The following TSPAN16 variants were observed in gnomAD, a reference collection of about 807,000 sequenced individuals.
TSPAN16 encodes the protein tetraspanin 16.
A neutral mutation model predicts 25.2 loss-of-function variants in TSPAN16; 23 were observed. The observed-to-expected ratio is 0.91, with a 90% CI of 0.66 to 1.29. TSPAN16 has a LOEUF of 1.29. Among genes scored for constraint, TSPAN16 ranks in the 50% most tolerant of loss-of-function variants. The probability of loss-of-function intolerance (pLI) is 0.00; values close to 1 mark genes in which losing one functional copy is unlikely to be tolerated. For synonymous variants in TSPAN16, 123 were observed against 124.4 expected (o/e 0.99, Z 0.08); for missense variants, 272 against 299.9 (o/e 0.91, Z 0.69).
Position 11,298,195 on chromosome 19 carries a change from C to T in TSPAN16, c.123C>T (p.Ala41=), listed in dbSNP as rs2147932983. Residue 41 remains alanine, a synonymous_variant, in exon 2 of 7, where the codon GCC becomes GCT. Transcript: ENST00000590327. ...GCATTGGTGGTAAATGTGGAGGGGCCTCTCTGACGAATGTCCTCGGGCTGT... is the reference window on the plus strand; with the variant it reads ...GCATTGGTGGTAAATGTGGAGGGGCTTCTCTGACGAATGTCCTCGGGCTGT... ...GLGIGGKCGG[A]SLTNVLGLSS... 6.2e-7 allele frequency: 1 copy of T among 1,614,154 alleles called. No homozygotes were observed. Among genetic ancestry groups the T allele is most frequent in the East Asian group, 2.2e-5 (1 of 44,884 alleles).
At chr19:11,321,861 G>C (rs1204444038) in intron 6 of TSPAN16, among the ~76,000 whole-genome samples, 2 of 152,158 alleles carry the variant, frequency 1.3e-5, no homozygotes, top group Non-Finnish European at 2.9e-5. Context: ...AGAAGTAGTT[G>C]AGGGAAATAG....
chr19:11,319,953 T>C (rs1391312627), downstream of TSPAN16, among the ~76,000 whole-genome samples: 1 of 151,864 alleles, frequency 6.6e-6, no homozygotes, highest in African/African-American at 2.4e-5. Context: ...TAGCTGGGAC[T>C]ACAGGCGCCC....
At chr19:11,301,345 A>G in intron 4 of TSPAN16, 37 bp downstream of exon 4, 1 of 1,545,540 alleles carries the variant, frequency 6.5e-7, no homozygotes. Context: ...TGTGGTGTAA[A>G]GGTACACAAC....
chr19:11,296,210 C>A lies in TSPAN16; in HGVS notation c.-88C>A. 1 of 1,424,316 alleles carries A rather than the reference C, an allele frequency of 7.0e-7. No individual in the cohort carries two copies. Among genetic ancestry groups the A allele is most frequent in the South Asian group, 1.2e-5 (1 of 82,124 alleles). The allele number at this position is 1,424,316 out of a possible 1,614,324, so 88.2% of individuals were successfully genotyped here. On this transcript the variant is annotated 5_prime_UTR_variant, in exon 1 of 7. Coordinates refer to ENST00000590327, the MANE Select transcript of TSPAN16 (RefSeq NM_001282509.2). ...AGCAAGTCAGCATTGGCGCCCCTTC[C>A]TCAGATCCCTATCATCTTGGGAAAC... is the stretch of plus-strand genomic sequence containing the variant.
Position 11,303,709 on chromosome 19 carries a change from G to A in TSPAN16, c.450+2401G>A, listed in dbSNP as rs554722396. ...AGGAACTGCCAGACTCCTTTCCACAGTGGCTGCACCATTTTCCATTCCCAT... is the reference window on the plus strand; with the variant it reads ...AGGAACTGCCAGACTCCTTTCCACAATGGCTGCACCATTTTCCATTCCCAT... On this transcript the variant is annotated intron_variant, in intron 4 of 6. Transcript: ENST00000590327. Among the ~76,000 whole-genome samples the A allele has an allele frequency of 9.9e-5, 15 of 151,132 alleles. 2 individuals are homozygous for A. Among genetic ancestry groups the A allele is most frequent in the African/African-American group, 3.4e-4 (14 of 40,802 alleles).
chr19:11,317,831 A>C (rs976690492), downstream of TSPAN16, among the ~76,000 whole-genome samples: 11 of 151,460 alleles, frequency 7.3e-5, no homozygotes, highest in Admixed American at 2.6e-4. Flanking sequence ...TCAAAAAAAA[A>C]AAAAAGTGTG....
chr19:11,297,229 G>A (rs1300971333), intron 1 of TSPAN16, among the ~76,000 whole-genome samples: 2 of 152,086 alleles, frequency 1.3e-5, no homozygotes, highest in African/African-American at 2.4e-5. Context: ...TTGGGAGGCC[G>A]AGGTGGGCAG....
rs1280918608 is a variant in TSPAN16, at chr19:11,306,597, T to G, written c.451-7T>G. The stretch of plus-strand genomic sequence containing the variant: ...GACTCTCCAAGTATTTCTTCTCCTC[T>G]CTATAGCTAAAGTGCTGTGGGGTGA... On this transcript the variant is annotated splice_region_variant and splice_polypyrimidine_tract_variant and intron_variant, in intron 4 of 6. Transcript: ENST00000590327. 6.2e-7 allele frequency: 1 copy of G among 1,613,116 alleles called. No individual in the cohort carries two copies. The highest frequency in any genetic ancestry group is 1.1e-5 in the South Asian group (1 of 90,988).
downstream of TSPAN16, among the ~76,000 whole-genome samples, chr19:11,319,987 TTG>T: frequency 6.7e-6 from 1 of 149,288 alleles, no homozygotes; most frequent in Middle Eastern, 3.6e-3. Flanking sequence ...GCTAATTTTT[TTG>T]TTGTATTTTC....
At chr19:11,326,124 A>G (rs1280482316) in intron 6 of TSPAN16, among the ~76,000 whole-genome samples, 1 of 151,960 alleles carries the variant, frequency 6.6e-6, no homozygotes, top group East Asian at 1.9e-4. Flanking sequence ...CGGGAGGCTG[A>G]GGCAGGAGAA....
At chr19:11,309,797 G>C (rs1169125694) in intron 5 of TSPAN16, among the ~76,000 whole-genome samples, 1 of 152,182 alleles carries the variant, frequency 6.6e-6, no homozygotes. Context: ...TTCAGTGCCA[G>C]GCACTTAAAT....
rs1345534704 is a variant in TSPAN16, at chr19:11,325,165, TC to T, written c.688-1628del. On this transcript the variant is annotated intron_variant, in intron 6 of 6. Coordinates refer to the TSPAN16 transcript ENST00000316737. ...TCATGCACGTCAGTGTCCCTGGGCC[TC>T]TGCCTGCCATGCAGAGCTGAGTCCC... is the stretch of plus-strand genomic sequence containing the variant. 27 of 482,062 alleles carry T rather than the reference TC, an allele frequency of 5.6e-5. No homozygotes were observed. In the East Asian group the frequency reaches 7.0e-4, roughly 13 times the overall value. 29.9% of individuals were successfully genotyped at this position (482,062 alleles called of 1,614,324 possible).
At chr19:11,317,484 T>TTTTTTTC (rs757761727), downstream of TSPAN16, among the ~76,000 whole-genome samples, 6 of 151,942 alleles carry the variant, frequency 3.9e-5, no homozygotes, top group Non-Finnish European at 5.9e-5. Context: ...CCCAGCTAAT[T>TTTTTTTC]TTTTTTCTTT....
At chr19:11,311,213 A>G (rs1268030967) in intron 5 of TSPAN16, among the ~76,000 whole-genome samples, 1 of 152,136 alleles carries the variant, frequency 6.6e-6, no homozygotes, top group East Asian at 1.9e-4. Flanking sequence ...TCGGCTCACT[A>G]CAACCTCCGA....
At chr19:11,316,119 T>TGTG (rs1491440242), downstream of TSPAN16, 1,497 of 128,062 alleles carry the variant, frequency 0.012, 28 homozygotes, top group East Asian at 0.034. Context: ...GTGTGTGTGG[T>TGTG]TTTTTTTTTT....
In TSPAN16 at chr19:11,325,167, TGCC is replaced by T. The variant is rs1280933070; in HGVS notation, c.688-1626_688-1624del. 27 of 485,180 alleles carry T rather than the reference TGCC, an allele frequency of 5.6e-5. No individual in the cohort carries two copies. In the East Asian group the frequency reaches 7.0e-4, roughly 13 times the overall value. The allele number at this position is 485,180 out of a possible 1,614,324, so 30.1% of individuals were successfully genotyped here. A position where few individuals can be genotyped will look rare whatever the true frequency, so the allele number is the denominator to read the frequency against. ...ATGCACGTCAGTGTCCCTGGGCCTC[TGCC>T]TGCCATGCAGAGCTGAGTCCCCATG... On this transcript the variant is annotated intron_variant, in intron 6 of 6. Transcript: ENST00000316737.
At chr19:11,308,188 C>G (rs1027873145) in intron 5 of TSPAN16, 1 of 152,220 alleles carries the variant, frequency 6.6e-6, no homozygotes, top group African/African-American at 2.4e-5. Flanking sequence ...CAAGCCACAC[C>G]CCAGTTCCCC....
downstream of TSPAN16, among the ~76,000 whole-genome samples, chr19:11,316,226 C>CCT (rs1235976194): frequency 6.6e-6 from 1 of 151,476 alleles, no homozygotes; most frequent in Non-Finnish European, 1.5e-5. Context: ...TCAAGTGAGT[C>CCT]TTCTGCCTCA....
downstream of TSPAN16, among the ~76,000 whole-genome samples, chr19:11,320,081 G>T (rs2080769086): frequency 6.7e-6 from 1 of 148,792 alleles, no homozygotes; most frequent in African/African-American, 2.5e-5. Context: ...GCCTCCCAAG[G>T]TGCTGGGATT....
Sources: allele counts gnomAD v4.1 joint callset (sites outside exome capture counted in the v4.1 genomes callset), GRCh38; gene constraint gnomAD v4.1.1; transcripts MANE v1.5; gene names NCBI Gene and HGNC (gene_info 2026-07-23, HGNC 2026-07-21).